CNNM4: variants seen among roughly 807,000 people sequenced by gnomAD.
The protein encoded by CNNM4 is metal transporter CNNM4.
Under a neutral mutation model 53.7 loss-of-function variants are expected in CNNM4, and 32 were observed. That is an observed-to-expected ratio of 0.60 (90% CI 0.45 to 0.80). The LOEUF (loss-of-function observed/expected upper bound fraction) is 0.80, where lower values mean the gene tolerates loss of function less well. CNNM4 is among the 30% of genes least tolerant of loss of function. CNNM4 has a pLI of 0.00. For synonymous variants in CNNM4, 410 were observed against 440.0 expected, an observed-to-expected ratio of 0.93 and a Z score of 0.85; for missense variants, 784 against 1,022.0, an observed-to-expected ratio of 0.77 and a Z score of 3.17.
At chr2:96,807,171 T>C (rs193126077) in intron 5 of CNNM4, among the ~76,000 whole-genome samples, 235 of 152,296 alleles carry the variant, frequency 1.5e-3, no homozygotes, top group African/African-American at 5.2e-3. Flanking sequence ...CCACCACGCC[T>C]GGCTAATTTT....
chr2:96,765,669 TCA>T (rs1236615168), intron 1 of CNNM4, among the ~76,000 whole-genome samples: 2 of 152,214 alleles, frequency 1.3e-5, no homozygotes, highest in African/African-American at 2.4e-5. Flanking sequence ...CTTAGTGTTT[TCA>T]CCACTCAGTG....
chr2:96,799,561 G>C lies in CNNM4; in HGVS notation c.1861G>C (p.Glu621Gln). ...YFILILQGKV[E>Q]VEAGKENMKF... The stretch of plus-strand genomic sequence containing the variant: ...CCCTGTGTTTTTTCAGGGGAAGGTG[G>C]AGGTGGAGGCAGGGAAGGAGAACAT... Residue 621 changes from glutamate (E) to glutamine (Q), a missense_variant, in exon 5 of 7, where the codon GAG (glutamate) becomes CAG (glutamine). Physicochemically the swap from Glu to Gln is conservative, Grantham distance 29. Coordinates refer to ENST00000377075, the MANE Select transcript of CNNM4 (RefSeq NM_020184.4). 6.4e-7 allele frequency: 1 copy of C among 1,554,828 alleles called. No homozygotes were observed. Among genetic ancestry groups the C allele is most frequent in the Non-Finnish European group, 8.7e-7 (1 of 1,148,534 alleles).
chr2:96,784,490 A>G (rs1411052307), intron 1 of CNNM4, among the ~76,000 whole-genome samples: 1 of 152,178 alleles, frequency 6.6e-6, no homozygotes, highest in Non-Finnish European at 1.5e-5. Flanking sequence ...TAGATGCTTG[A>G]TATTTTCCAT....
In CNNM4 at chr2:96,760,908, C is replaced by G. The variant is rs1324711864; in HGVS notation, c.-92C>G. On this transcript the variant is annotated 5_prime_UTR_variant, in exon 1 of 7. Transcript: ENST00000377075. The stretch of plus-strand genomic sequence containing the variant: ...TCAGGCTCGCGGCCCGGGCAGTTGG[C>G]TCGGCGGCAGCGGAGCGGCCGGAGC... 1.7e-5 allele frequency: 12 copies of G among 708,024 alleles called. No homozygotes were observed. The African/African-American group carries it at 2.1e-4, about 13-fold the overall frequency. 43.9% of individuals were successfully genotyped at this position (708,024 alleles called of 1,614,324 possible).
intron 1 of CNNM4, among the ~76,000 whole-genome samples, chr2:96,780,618 T>C (rs754386516): frequency 1.3e-5 from 2 of 152,182 alleles, no homozygotes; most frequent in Non-Finnish European, 2.9e-5. Context: ...GACCTCAGGT[T>C]CAGTAATTCA....
chr2:96,800,314 C>G lies in CNNM4; in HGVS notation c.1948+666C>G, dbSNP rs953832787. Among the ~76,000 whole-genome samples, 16 of 152,194 alleles carry G rather than the reference C, an allele frequency of 1.1e-4. No individual in the cohort carries two copies. The highest frequency in any genetic ancestry group is 9.8e-4 in the Admixed American group (15 of 15,294). ...AGGCCCAGGTCTCGCCAGCTCATCTCCTCGCTCCTCTCCAGGCTTCGGTCC... is the reference window on the plus strand; with the variant it reads ...AGGCCCAGGTCTCGCCAGCTCATCTGCTCGCTCCTCTCCAGGCTTCGGTCC... On this transcript the variant is annotated intron_variant, in intron 5 of 6. Coordinates refer to ENST00000377075, the MANE Select transcript of CNNM4 (RefSeq NM_020184.4). This position sits in a 1 kb window ranked among gnomAD's most constrained non-coding sequence, Gnocchi z 4.6.
chr2:96,774,960 CAAAAAAAAAAAAAAAAAAAAAA>C lies in CNNM4; in HGVS notation c.1402+12576_1402+12597del, dbSNP rs56997097. Among the ~76,000 whole-genome samples, 24 of 17,690 alleles carry C rather than the reference CAAAAAAAAAAAAAAAAAAAAAA, an allele frequency of 1.4e-3. No individual in the cohort carries two copies. In the South Asian group the frequency reaches 0.019, roughly 14 times the overall value. 11.6% of individuals were successfully genotyped at this position (17,690 alleles called of 152,430 possible). On this transcript the variant is annotated intron_variant, in intron 1 of 6. Transcript: ENST00000377075. ...TGGGAGACAGAGTGAGACTCCATCT[CAAAAAAAAAAAAAAAAAAAAAA>C]AAAAAAAAAAAAAAAAGCCAGAAGA...
chr2:96,794,350 C>T (rs2079085362), intron 1 of CNNM4, among the ~76,000 whole-genome samples: 1 of 152,094 alleles, frequency 6.6e-6, no homozygotes, highest in Admixed American at 6.5e-5. Context: ...GGCAAAATAG[C>T]CTCCTCCCCA....
At position 96,761,900 on chromosome 2, in the gene CNNM4, A is replaced by C; in HGVS notation, c.901A>C (p.Asn301His). 6.2e-7 allele frequency: 1 copy of C among 1,614,162 alleles called. No individual in the cohort carries two copies. The highest frequency in any genetic ancestry group is 8.5e-7 in the Non-Finnish European group (1 of 1,180,028). Residue 301 changes from asparagine to histidine, a missense_variant, in exon 1 of 7, where the codon AAC becomes CAC. By Grantham distance (68) the Asn-to-His change is moderately conservative (BLOSUM62 1). This residue lies in a region of CNNM4 where 473 missense variants were observed against 624.6 expected (regional missense o/e 0.76). Transcript: ENST00000377075. This position sits in a 1 kb window ranked among gnomAD's most constrained non-coding sequence, Gnocchi z 6.0. ...CCGACATGGGCTGGCTGTGGGTGCC[A>C]ACACCATCCTTCTCACCAAATTCTT... ...CSRHGLAVGA[N>H]TILLTKFFML...
intron 1 of CNNM4, among the ~76,000 whole-genome samples, chr2:96,786,246 G>A (rs1197105661): frequency 2.6e-5 from 4 of 151,626 alleles, no homozygotes; most frequent in South Asian, 4.2e-4. Context: ...GCGAAACCCC[G>A]TCTCTACTAA....
At chr2:96,769,608 CA>C (rs2078850563) in intron 1 of CNNM4, among the ~76,000 whole-genome samples, 1 of 150,410 alleles carries the variant, frequency 6.6e-6, no homozygotes, top group African/African-American at 2.4e-5. Context: ...AAGGACAGTG[CA>C]GGGGGTGTCA....
intron 1 of CNNM4, among the ~76,000 whole-genome samples, chr2:96,772,172 C>A (rs1179183997): frequency 2.0e-5 from 3 of 151,472 alleles, no homozygotes; most frequent in Non-Finnish European, 4.4e-5. Flanking sequence ...CACACTCATA[C>A]CCCACATAGG....
rs368857537 is a variant in CNNM4, at chr2:96,761,105, C to T, written c.106C>T (p.Arg36Trp). 5.8e-5 allele frequency: 90 copies of T among 1,544,580 alleles called. 1 individual carries two copies. In the South Asian group the frequency reaches 9.8e-4, roughly 17 times the overall value. ...LLVLLWALGA[R>W]GQGSPQQGTI... is the part of the protein sequence containing the mutation. ...GGTGCTGCTGTGGGCGCTGGGGGCC[C>T]GGGGCCAGGGCAGCCCCCAGCAGGG... The change falls in exon 1 of 7, where the codon CGG (arginine) becomes TGG (tryptophan). Residue 36 changes from arginine (R) to tryptophan (W), a missense_variant. Physicochemically the swap from Arg to Trp is moderately radical, Grantham distance 101. Around this residue, in one of 3 missense-constraint regions of CNNM4, gnomAD observed 473 missense variants for 624.6 expected, o/e 0.76. Coordinates refer to ENST00000377075, the MANE Select transcript of CNNM4 (RefSeq NM_020184.4). The surrounding 1 kb of genome is among the most constrained non-coding windows in gnomAD (Gnocchi z 6.0).
At chr2:96,779,933 G>T (rs2078959198) in intron 1 of CNNM4, among the ~76,000 whole-genome samples, 1 of 151,894 alleles carries the variant, frequency 6.6e-6, no homozygotes, top group Admixed American at 6.6e-5. Flanking sequence ...CTCCTGAGTA[G>T]CTGGGGCTAC....
chr2:96,769,872 G>A lies in CNNM4; in HGVS notation c.1402+7471G>A, dbSNP rs563109270. Among the ~76,000 whole-genome samples the A allele has an allele frequency of 3.2e-4, 48 of 152,356 alleles. 1 individual carries two copies. The highest frequency in any genetic ancestry group is 1.1e-3 in the African/African-American group (44 of 41,588). ...TATGGTGATTTGATCTCAAGAAGCT[G>A]CCTGGGGGCAGGTGTATCTGAGAGT... On this transcript the variant is annotated intron_variant, in intron 1 of 6. Transcript: ENST00000377075.
At chr2:96,791,305 A>G (rs559961446) in intron 1 of CNNM4, among the ~76,000 whole-genome samples, 85 of 151,892 alleles carry the variant, frequency 5.6e-4, no homozygotes, top group African/African-American at 1.9e-3. Context: ...TTATGTTATT[A>G]TTGGTGTCCA....
rs368862739 is a variant in CNNM4, at chr2:96,761,348, G to T, written c.349G>T (p.Val117Phe). 1.2e-6 allele frequency: 2 copies of T among 1,614,046 alleles called. No homozygotes were observed. The highest frequency in any genetic ancestry group is 1.7e-6 in the Non-Finnish European group (2 of 1,180,034). ...SCLELTKDLV[V>F]QQLVNVSRGN... ...CCTCGAGCTCACCAAGGACCTGGTC[G>T]TCCAGCAGCTGGTCAACGTGAGCCG... Residue 117 changes from valine (V) to phenylalanine (F), a missense_variant, in exon 1 of 7, where the codon GTC becomes TTC. Coordinates refer to ENST00000377075, the MANE Select transcript of CNNM4 (RefSeq NM_020184.4). The surrounding 1 kb of genome is among the most constrained non-coding windows in gnomAD (Gnocchi z 6.0).
chr2:96,804,762 C>T (rs1375508562), intron 5 of CNNM4, among the ~76,000 whole-genome samples: 1 of 151,932 alleles, frequency 6.6e-6, no homozygotes, highest in Non-Finnish European at 1.5e-5. Flanking sequence ...TCTTGAACTC[C>T]TGATGTTAGG....
At chr2:96,779,194 G>A (rs548377163) in intron 1 of CNNM4, among the ~76,000 whole-genome samples, 16 of 152,240 alleles carry the variant, frequency 1.1e-4, no homozygotes, top group Non-Finnish European at 1.2e-4. Flanking sequence ...TCCTGAGCTC[G>A]TGATCCGCCC....
Sources: gnomAD v4.1 joint callset for allele counts (sites outside exome capture counted in the v4.1 genomes callset) on GRCh38, gnomAD v4.1.1 for gene constraint, gnomAD v4.1.1 regional missense constraint, Gnocchi (gnomAD v3.1) non-coding constraint, MANE v1.5 for transcripts, NCBI Gene and HGNC (gene_info 2026-07-23, HGNC 2026-07-21) for gene names.